The following CDH4 variants were observed in gnomAD, a reference collection of about 807,000 sequenced individuals.
CDH4 encodes cadherin-4.
Under a neutral mutation model 86.0 loss-of-function variants are expected in CDH4, and 33 were observed. The observed-to-expected ratio is 0.38, with a 90% CI of 0.29 to 0.51. The LOEUF is 0.51. CDH4 is among the 20% of genes least tolerant of loss of function. The pLI is 0.86. For missense variants in CDH4, 1,114 were observed against 1,307.4 expected, an observed-to-expected ratio of 0.85 and a Z score of 2.28; for synonymous variants, 555 against 549.4, an observed-to-expected ratio of 1.01 and a Z score of -0.14.
chr20:61,736,501 T>C (rs772387163), intron 2 of CDH4, among the ~76,000 whole-genome samples: 27 of 152,304 alleles, frequency 1.8e-4, no homozygotes, highest in Non-Finnish European at 3.4e-4. Flanking sequence ...GGTTAATGTC[T>C]GTCCTGCCCC....
chr20:61,265,822 C>T (rs2084155605), intron 2 of CDH4, among the ~76,000 whole-genome samples: 1 of 152,230 alleles, frequency 6.6e-6, no homozygotes, highest in Non-Finnish European at 1.5e-5. Flanking sequence ...CACTTAGCCA[C>T]AGCCCACTGG....
chr20:61,366,387 G>T (rs117065186), intron 2 of CDH4, among the ~76,000 whole-genome samples: 1 of 152,146 alleles, frequency 6.6e-6, no homozygotes, highest in South Asian at 2.1e-4. Context: ...AGACCAGCTC[G>T]GTCGGGGAGA....
rs569354073 is a variant in CDH4, at chr20:61,377,340, C to T, written c.169+122403C>T. Among the ~76,000 whole-genome samples the T allele has an allele frequency of 1.3e-5, 2 of 152,242 alleles. No individual in the cohort carries two copies. Among genetic ancestry groups the T allele is most frequent in the South Asian group, 4.1e-4 (2 of 4,828 alleles). On this transcript the variant is annotated intron_variant, in intron 2 of 15. Coordinates refer to ENST00000614565, the MANE Select transcript of CDH4 (RefSeq NM_001794.5). The surrounding 1 kb of genome is among the most constrained non-coding windows in gnomAD (Gnocchi z 4.0). ...GGCCCTGACGAATCCAAAGGGTCCC[C>T]ATTCCATGTCTAAGTGCCCATCGGA...
chr20:61,772,634 T>G (rs1304635382), intron 3 of CDH4, among the ~76,000 whole-genome samples: 1 of 152,224 alleles, frequency 6.6e-6, no homozygotes, highest in African/African-American at 2.4e-5. Flanking sequence ...AACAGGAGTT[T>G]TGTGGGAAAA....
At chr20:61,389,894 A>T (rs2084972276) in intron 2 of CDH4, among the ~76,000 whole-genome samples, 1 of 151,596 alleles carries the variant, frequency 6.6e-6, no homozygotes, top group African/African-American at 2.4e-5. Context: ...TCGTGCGGTC[A>T]TAGGGTGCCC....
In CDH4 at chr20:61,615,106, TTTG is replaced by T. The variant is rs1029371884; in HGVS notation, c.170-128448_170-128446del. The stretch of plus-strand genomic sequence containing the variant: ...AAATGTGTTCATACATTTTGCTTTT[TTTG>T]TTGTTGTTTTTGTTTTTTTGGTTTT... On this transcript the variant is annotated intron_variant, in intron 2 of 15. Coordinates refer to ENST00000614565, the MANE Select transcript of CDH4 (RefSeq NM_001794.5). Among the ~76,000 whole-genome samples the T allele has an allele frequency of 5.9e-5, 8 of 136,748 alleles. 1 individual carries two copies. The highest frequency in any genetic ancestry group is 2.0e-4 in the African/African-American group (7 of 35,340). The allele number at this position is 136,748 out of a possible 152,430, so 89.7% of individuals were successfully genotyped here.
At chr20:61,921,062 G>A (rs958215561) in intron 9 of CDH4, among the ~76,000 whole-genome samples, 9 of 150,156 alleles carry the variant, frequency 6.0e-5, no homozygotes, top group South Asian at 2.1e-4. Flanking sequence ...GCGTGGAAGC[G>A]TGGTGTCGTG....
In CDH4 at chr20:61,899,803, G is replaced by A. The variant is rs117681050; in HGVS notation, c.1188+4756G>A. On this transcript the variant is annotated intron_variant, in intron 8 of 15. Transcript: ENST00000614565. ...CACAGGGTCTCCGAGGACAGGATGA[G>A]TGGGTCCCCAGCGTTTAGGATGTGC... Among the ~76,000 whole-genome samples the A allele has an allele frequency of 7.3e-4, 111 of 152,348 alleles. 1 individual carries two copies. In the East Asian group the frequency reaches 0.019, roughly 25 times the overall value.
intron 2 of CDH4, among the ~76,000 whole-genome samples, chr20:61,453,158 G>A (rs1412434316): frequency 6.6e-6 from 1 of 152,036 alleles, no homozygotes; most frequent in Non-Finnish European, 1.5e-5. Flanking sequence ...AGTGTATTGA[G>A]GATATTAAGT....
intron 4 of CDH4, among the ~76,000 whole-genome samples, chr20:61,803,113 C>T (rs925287936): frequency 6.6e-6 from 1 of 152,236 alleles, no homozygotes; most frequent in Admixed American, 6.5e-5. Flanking sequence ...CCTGTCTCAG[C>T]AGCGCGGCGA....
At chr20:61,856,936 C>T (rs748074466) in intron 6 of CDH4, among the ~76,000 whole-genome samples, 11 of 152,234 alleles carry the variant, frequency 7.2e-5, no homozygotes, top group Non-Finnish European at 1.6e-4. Flanking sequence ...AGAGTCTCCC[C>T]GGCCGGTTTT....
chr20:61,430,123 A>G (rs2085238268), intron 2 of CDH4, among the ~76,000 whole-genome samples: 1 of 152,224 alleles, frequency 6.6e-6, no homozygotes, highest in Non-Finnish European at 1.5e-5. Flanking sequence ...TCTGTGGACC[A>G]CAACAGAGAG....
intron 2 of CDH4, among the ~76,000 whole-genome samples, chr20:61,344,896 C>G (rs1391577222): frequency 6.6e-6 from 1 of 152,210 alleles, no homozygotes; most frequent in East Asian, 1.9e-4. Flanking sequence ...CTCGGCTTTG[C>G]GTCCTTTGAA....
chr20:61,402,392 T>TTTTG (rs923367925), intron 2 of CDH4, among the ~76,000 whole-genome samples: 36 of 150,972 alleles, frequency 2.4e-4, no homozygotes, highest in South Asian at 6.2e-4. Context: ...ACAGATGCAG[T>TTTTG]TTTGTTTGTT....
intron 4 of CDH4, among the ~76,000 whole-genome samples, chr20:61,805,270 C>A (rs765720539): frequency 3.3e-5 from 5 of 152,204 alleles, no homozygotes; most frequent in Non-Finnish European, 7.3e-5. Flanking sequence ...CCCTAAGGAT[C>A]CCTGGGGTGC....
intron 2 of CDH4, among the ~76,000 whole-genome samples, chr20:61,258,250 A>G (rs1188253147): frequency 1.4e-5 from 2 of 140,734 alleles, no homozygotes; most frequent in African/African-American, 2.6e-5. Context: ...GAATGGCATG[A>G]AACCAGGAGG....
chr20:61,897,096 C>G (rs1381656600), intron 8 of CDH4, among the ~76,000 whole-genome samples: 2 of 152,224 alleles, frequency 1.3e-5, no homozygotes, highest in Non-Finnish European at 2.9e-5. Context: ...CTGCATTTGA[C>G]TCAAGGCAAC....
intron 2 of CDH4, among the ~76,000 whole-genome samples, chr20:61,673,233 A>G: frequency 6.6e-6 from 1 of 152,028 alleles, no homozygotes; most frequent in Non-Finnish European, 1.5e-5. Context: ...TGGCCACCAG[A>G]CTTGTGGTTA....
intron 3 of CDH4, among the ~76,000 whole-genome samples, chr20:61,748,896 A>G (rs1382187178): frequency 6.6e-6 from 1 of 152,170 alleles, no homozygotes; most frequent in Non-Finnish European, 1.5e-5. Flanking sequence ...AAAAAGAGAA[A>G]TGAAAACAGA....
Sources: allele counts gnomAD v4.1 joint callset (sites outside exome capture counted in the v4.1 genomes callset), GRCh38; gene constraint gnomAD v4.1.1; non-coding constraint Gnocchi (gnomAD v3.1); transcripts MANE v1.5; gene names NCBI Gene and HGNC (gene_info 2026-07-23, HGNC 2026-07-21).